Variants in XAF1 observed in about 807,000 individuals in gnomAD.
XAF1 encodes the protein XIAP associated factor 1.
XAF1 carries 32 observed loss-of-function variants against 32.3 expected under a neutral mutation model. The ratio of observed to expected loss-of-function variants is 0.99; its 90% CI spans 0.75 to 1.33. The LOEUF (loss-of-function observed/expected upper bound fraction) is 1.33. Ranked by LOEUF, XAF1 falls within the 40% of genes most tolerant of loss-of-function variation. The probability of loss-of-function intolerance (pLI) is 0.00; values close to 1 mark genes in which losing one functional copy is unlikely to be tolerated. For synonymous variants in XAF1, 120 were observed against 125.9 expected (o/e 0.95, Z 0.31); for missense variants, 379 against 366.0 (o/e 1.04, Z -0.29).
At chr17:6,771,156 T>C (rs1407013816) in intron 6 of XAF1, 172 bp downstream of exon 6, 9 of 612,818 alleles carry the variant, frequency 1.5e-5, no homozygotes, top group Non-Finnish European at 2.5e-5. Flanking sequence ...TACCACCTGG[T>C]TTATTTGCAT....
In XAF1 at chr17:6,762,249, C is replaced by T. The variant is rs368235186; in HGVS notation, c.507+9C>T. The T allele has an allele frequency of 4.4e-6, 7 of 1,593,578 alleles. No individual in the cohort carries two copies. In the African/African-American group the frequency reaches 9.4e-5, roughly 21 times the overall value. On this transcript the variant is annotated intron_variant, in intron 5 of 6. Transcript: ENST00000361842. ...AGTATTTCCACCATATGGTGAGTAG[C>T]ACTTAGTAATTTTCTAATGGTGCCA...
chr17:6,763,758 TC>T (rs1975392781), intron 5 of XAF1, among the ~76,000 whole-genome samples: 1 of 152,082 alleles, frequency 6.6e-6, no homozygotes, highest in South Asian at 2.1e-4. Flanking sequence ...TCTCAGGCCC[TC>T]CCCCTAGAAA....
intron 4 of XAF1, 167 bp from the exon 5 acceptor site, chr17:6,761,988 A>AG: frequency 6.5e-7 from 1 of 1,535,186 alleles, no homozygotes; most frequent in Non-Finnish European, 8.7e-7. Context: ...TTCGGCCAAG[A>AG]GTTGCCTGTG....
chr17:6,770,174 C>T (rs963086039), intron 5 of XAF1, among the ~76,000 whole-genome samples: 13 of 152,284 alleles, frequency 8.5e-5, no homozygotes, highest in South Asian at 2.1e-4. Flanking sequence ...AAATTTATTT[C>T]GAACAGTTCT....
rs1412715732 is a variant in XAF1, at chr17:6,774,313, G to A, written c.*1144G>A. On this transcript the variant is annotated 3_prime_UTR_variant, in exon 7 of 7. Coordinates refer to ENST00000361842, the MANE Select transcript of XAF1 (RefSeq NM_017523.5). ...GACAAAGTTGACAAAAATACGCAATGGGGAAAGAATTCCCCATTCAGTAAG... is the reference window on the plus strand; with the variant it reads ...GACAAAGTTGACAAAAATACGCAATAGGGAAAGAATTCCCCATTCAGTAAG... The A allele has an allele frequency of 1.3e-5, 2 of 152,126 alleles. No homozygotes were observed. The highest frequency in any genetic ancestry group is 2.9e-5 in the Non-Finnish European group (2 of 68,034). The allele number at this position is 152,126 out of a possible 1,614,324, so 9.4% of individuals were successfully genotyped here.
chr17:6,767,487 A>G (rs1199073931), intron 5 of XAF1, among the ~76,000 whole-genome samples: 3 of 152,248 alleles, frequency 2.0e-5, no homozygotes, highest in African/African-American at 4.8e-5. Context: ...TCAAAGTGCT[A>G]AGAGAAAATA....
chr17:6,768,123 T>C (rs1199481193), intron 5 of XAF1, among the ~76,000 whole-genome samples: 1 of 151,024 alleles, frequency 6.6e-6, no homozygotes, highest in Non-Finnish European at 1.5e-5. Flanking sequence ...TTTTCTTTCT[T>C]TCTTTCTTTT....
chr17:6,758,164 G>A lies in XAF1; in HGVS notation c.108G>A (p.Glu36=). The A allele has an allele frequency of 1.2e-6, 2 of 1,614,246 alleles. No individual in the cohort carries two copies. Among genetic ancestry groups the A allele is most frequent in the Non-Finnish European group, 1.7e-6 (2 of 1,180,044 alleles). The change falls in exon 2 of 7, where the codon GAG becomes GAA. Residue 36 remains glutamate (E), a synonymous_variant. Transcript: ENST00000361842. ...YCLRFLVLCP[E]CEEPVPKETM... ...TGCGGTTCCTGGTCCTGTGTCCGGA[G>A]TGTGAGGAGCCTGTCCCCAAGGAAA... is the stretch of plus-strand genomic sequence containing the variant.
At chr17:6,756,168 A>T in intron 1 of XAF1, 58 bp downstream of exon 1, 3 of 1,613,164 alleles carry the variant, frequency 1.9e-6, no homozygotes, top group Non-Finnish European at 2.5e-6. Context: ...GACGTAGACG[A>T]CATAGGGCTG....
At chr17:6,766,849 C>T (rs1419477821) in intron 5 of XAF1, among the ~76,000 whole-genome samples, 1 of 152,192 alleles carries the variant, frequency 6.6e-6, no homozygotes, top group Non-Finnish European at 1.5e-5. Flanking sequence ...GCATGTTATG[C>T]CCCAGGCTTG....
chr17:6,755,809 C>T (rs1449188573), upstream of XAF1: 2 of 1,304,166 alleles, frequency 1.5e-6, no homozygotes, highest in Admixed American at 6.4e-5. Context: ...CCAGGAGAGG[C>T]CTGGCCTCAG....
intron 5 of XAF1, among the ~76,000 whole-genome samples, chr17:6,766,712 C>T (rs191944153): frequency 5.9e-5 from 9 of 152,328 alleles, no homozygotes; most frequent in East Asian, 5.8e-4. Flanking sequence ...ATAATTGCTT[C>T]GGTTTTTCAT....
intron 2 of XAF1, chr17:6,759,141 G>A (rs1974971806): frequency 9.8e-7 from 1 of 1,017,770 alleles, no homozygotes; most frequent in Non-Finnish European, 1.2e-6. Flanking sequence ...GAGGGCCATG[G>A]GAAGTCATTT....
intron 5 of XAF1, among the ~76,000 whole-genome samples, chr17:6,763,321 G>T (rs1439918318): frequency 6.6e-6 from 1 of 151,906 alleles, no homozygotes; most frequent in Non-Finnish European, 1.5e-5. Flanking sequence ...CCTTTTAATG[G>T]CCTTTTCTTT....
chr17:6,774,140 T>G lies in XAF1; in HGVS notation c.*971T>G, dbSNP rs1457418701. On this transcript the variant is annotated 3_prime_UTR_variant, in exon 7 of 7. Coordinates refer to ENST00000361842, the MANE Select transcript of XAF1 (RefSeq NM_017523.5). ...AGCTGGAGGCATCGCATTACCCAAC[T>G]TCAAACTATACTACAGGGCTACAGT... The G allele has an allele frequency of 1.3e-5, 2 of 152,152 alleles. No homozygotes were observed. The highest frequency in any genetic ancestry group is 4.8e-5 in the African/African-American group (2 of 41,426). 9.4% of individuals were successfully genotyped at this position (152,152 alleles called of 1,614,324 possible).
rs373581793 is a variant in XAF1 at position 6,770,922 on chromosome 17, A to C, written c.787A>C (p.Ile263Leu). ...TAGAGGAGATAAAGCAGCCTATGAC[A>C]TTCTGAGGAGATGTTCTCAGTGTGG... ...SPRGDKAAYD[I>L]LRRCSQCGIL... is the part of the protein sequence containing the mutation. Residue 263 changes from isoleucine to leucine, a missense_variant, in exon 6 of 7, where the codon ATT (isoleucine) becomes CTT (leucine). Physicochemically the swap from Ile to Leu is conservative, Grantham distance 5 (BLOSUM62 2). Transcript: ENST00000361842. 27 of 1,614,068 alleles carry C rather than the reference A, an allele frequency of 1.7e-5. No individual in the cohort carries two copies. Among genetic ancestry groups the C allele is most frequent in the Non-Finnish European group, 1.9e-5 (23 of 1,180,038 alleles).
In XAF1 at chr17:6,774,072, A is replaced by G. The variant is rs1976256082; in HGVS notation, c.*903A>G. 4.6e-5 allele frequency: 7 copies of G among 152,238 alleles called. No individual in the cohort carries two copies. Among genetic ancestry groups the G allele is most frequent in the Admixed American group, 4.6e-4 (7 of 15,286 alleles). 9.4% of individuals were successfully genotyped at this position (152,238 alleles called of 1,614,324 possible). On this transcript the variant is annotated 3_prime_UTR_variant, in exon 7 of 7. Transcript: ENST00000361842. ...GCATTAAAATTTATTTGAAACCAAA[A>G]AAGAGCCCAAAAAGCCAAAGCAATC...
intron 5 of XAF1, 60 bp from the exon 6 acceptor site, chr17:6,770,583 A>G: frequency 7.2e-7 from 1 of 1,382,140 alleles, no homozygotes; most frequent in Non-Finnish European, 9.9e-7. Context: ...AGTCTACTGT[A>G]TTTTCTGACC....
At chr17:6,770,553 G>A in intron 5 of XAF1, 90 bp from the exon 6 acceptor site, 4 of 1,068,710 alleles carry the variant, frequency 3.7e-6, no homozygotes, top group Non-Finnish European at 5.4e-6. Context: ...TGTTTACAGT[G>A]GGAATTTCTT....
Sources: allele counts gnomAD v4.1 joint callset (sites outside exome capture counted in the v4.1 genomes callset), GRCh38; gene constraint gnomAD v4.1.1; transcripts MANE v1.5; gene names NCBI Gene and HGNC (gene_info 2026-07-23, HGNC 2026-07-21).